Variants in CPLX2 observed in about 807,000 individuals in gnomAD.
CPLX2 encodes the protein complexin-2.
A neutral mutation model predicts 16.3 loss-of-function variants in CPLX2; 5 were observed. The observed-to-expected ratio is 0.31, with a 90% CI of 0.16 to 0.64. CPLX2 has a LOEUF of 0.64. CPLX2 is among the 30% of genes least tolerant of loss of function. The probability of loss-of-function intolerance (pLI) is 0.79; values close to 1 mark genes in which losing one functional copy is unlikely to be tolerated. For missense variants in CPLX2, 144 were observed against 181.4 expected, an observed-to-expected ratio of 0.79 and a Z score of 1.18; for synonymous variants, 89 against 73.2, an observed-to-expected ratio of 1.22 and a Z score of -1.10.
intron 2 of CPLX2, among the ~76,000 whole-genome samples, chr5:175,817,827 C>A (rs1020262268): frequency 3.9e-5 from 6 of 152,042 alleles, no homozygotes; most frequent in African/African-American, 1.4e-4. Flanking sequence ...ACAGAGAAAC[C>A]CATCACACAT....
intron 1 of CPLX2, among the ~76,000 whole-genome samples, chr5:175,807,153 G>A (rs11745398): frequency 0.18 from 27,152 of 152,214 alleles, 2,652 homozygotes; most frequent in Middle Eastern, 0.3. Flanking sequence ...TGTGTGAAAA[G>A]GCTCTGTAAG....
intron 2 of CPLX2, among the ~76,000 whole-genome samples, chr5:175,828,501 G>A (rs879659194): frequency 1.1e-4 from 17 of 152,298 alleles, no homozygotes; most frequent in African/African-American, 3.9e-4. Context: ...ATAGACTGCC[G>A]TATAAGCTAG....
Position 175,817,744 on chromosome 5 carries a change from G to A in CPLX2, c.-89+8676G>A, listed in dbSNP as rs564833047. 4.6e-5 allele frequency among the ~76,000 whole-genome samples: 7 copies of A among 152,334 alleles called. No individual in the cohort carries two copies. The South Asian group carries it at 1.4e-3, about 32-fold the overall frequency. On this transcript the variant is annotated intron_variant, in intron 2 of 4. Transcript: ENST00000359546. ...CTCAGGAGTTGTGCGGGGGAACTGA[G>A]TATAGTGAGGATGAAGGAGGTGAGG...
intron 2 of CPLX2, among the ~76,000 whole-genome samples, chr5:175,863,842 G>A (rs899656218): frequency 1.3e-5 from 2 of 152,142 alleles, no homozygotes; most frequent in African/African-American, 4.8e-5. Context: ...AATATCCTAG[G>A]CCTTCATGTG....
intron 2 of CPLX2, among the ~76,000 whole-genome samples, chr5:175,820,177 C>T (rs894859575): frequency 1.3e-5 from 2 of 152,204 alleles, no homozygotes; most frequent in Non-Finnish European, 2.9e-5. Flanking sequence ...CACGTCACCT[C>T]CCTGAGCCTT....
intron 2 of CPLX2, among the ~76,000 whole-genome samples, chr5:175,822,383 A>G (rs1758528302): frequency 6.6e-6 from 1 of 152,084 alleles, no homozygotes; most frequent in Non-Finnish European, 1.5e-5. Flanking sequence ...CAGTGACTCA[A>G]CTCTCTAAGC....
upstream of CPLX2, among the ~76,000 whole-genome samples, chr5:175,866,722 C>T (rs943098984): frequency 6.6e-6 from 1 of 152,158 alleles, no homozygotes; most frequent in African/African-American, 2.4e-5. Flanking sequence ...CACATGGACT[C>T]CATGCACGAC....
At chr5:175,834,799 GGGAGAC>G (rs1409746904) in intron 2 of CPLX2, among the ~76,000 whole-genome samples, 1 of 152,196 alleles carries the variant, frequency 6.6e-6, no homozygotes, top group Non-Finnish European at 1.5e-5. Flanking sequence ...GCTTGAACCT[GGGAGAC>G]GGAGGTTGCA....
At chr5:175,840,440 C>T (rs1475006053) in intron 2 of CPLX2, among the ~76,000 whole-genome samples, 2 of 152,178 alleles carry the variant, frequency 1.3e-5, no homozygotes, top group Non-Finnish European at 2.9e-5. Flanking sequence ...ACTCCACCAC[C>T]AGGTGGACCT....
chr5:175,863,926 T>C (rs1289581836), intron 2 of CPLX2, among the ~76,000 whole-genome samples: 1 of 152,214 alleles, frequency 6.6e-6, no homozygotes, highest in Non-Finnish European at 1.5e-5. Context: ...TCCTCTAAGC[T>C]TTAAATTCTT....
chr5:175,828,412 G>A (rs913014987), intron 2 of CPLX2, among the ~76,000 whole-genome samples: 2 of 152,360 alleles, frequency 1.3e-5, no homozygotes, highest in Middle Eastern at 3.4e-3. Flanking sequence ...AGAGGGTAGA[G>A]AGTAGAAGTG....
intron 2 of CPLX2, among the ~76,000 whole-genome samples, chr5:175,827,246 G>T (rs1449116185): frequency 6.6e-6 from 1 of 152,212 alleles, no homozygotes; most frequent in Non-Finnish European, 1.5e-5. Flanking sequence ...GAACAGGCTG[G>T]GGCCTCACCC....
chr5:175,806,569 C>T (rs1758206653), intron 1 of CPLX2, among the ~76,000 whole-genome samples: 1 of 152,190 alleles, frequency 6.6e-6, no homozygotes. Context: ...TGGCTCACCG[C>T]AACCTCTGCC....
At chr5:175,836,088 C>T (rs1404698958) in intron 2 of CPLX2, among the ~76,000 whole-genome samples, 2 of 152,252 alleles carry the variant, frequency 1.3e-5, no homozygotes, top group Admixed American at 6.5e-5. Context: ...CGGTGGCTCA[C>T]GCCTGTAATT....
intron 2 of CPLX2, among the ~76,000 whole-genome samples, chr5:175,810,171 G>A (rs1321182294): frequency 1.3e-5 from 2 of 152,200 alleles, no homozygotes; most frequent in African/African-American, 2.4e-5. Flanking sequence ...CTCATAACTA[G>A]TTCCTACTGT....
At chr5:175,831,034 C>T (rs1046433259) in intron 2 of CPLX2, among the ~76,000 whole-genome samples, 3 of 152,020 alleles carry the variant, frequency 2.0e-5, no homozygotes, top group Non-Finnish European at 4.4e-5. Context: ...CCTATGCAGG[C>T]GTGACATTTA....
intron 2 of CPLX2, among the ~76,000 whole-genome samples, chr5:175,831,746 A>T (rs957811868): frequency 1.3e-5 from 2 of 152,236 alleles, no homozygotes; most frequent in South Asian, 4.1e-4. Context: ...GAACTATGAC[A>T]TGGGATTAAA....
intron 2 of CPLX2, among the ~76,000 whole-genome samples, chr5:175,866,235 G>C (rs1438867147): frequency 6.6e-6 from 1 of 152,200 alleles, no homozygotes; most frequent in African/African-American, 2.4e-5. Flanking sequence ...GCTTGGCTGG[G>C]GTCATTGGCT....
At chr5:175,843,556 C>A (rs187734689) in intron 2 of CPLX2, among the ~76,000 whole-genome samples, 1 of 152,218 alleles carries the variant, frequency 6.6e-6, no homozygotes, top group Non-Finnish European at 1.5e-5. Flanking sequence ...TGTAAATGAA[C>A]GCAGGATCTC....
Sources: allele counts gnomAD v4.1 joint callset (sites outside exome capture counted in the v4.1 genomes callset), GRCh38; gene constraint gnomAD v4.1.1; transcripts MANE v1.5; gene names NCBI Gene and HGNC (gene_info 2026-07-23, HGNC 2026-07-21).